Variants in ATP2A3 observed in about 807,000 individuals in gnomAD.
The protein encoded by ATP2A3 is ATPase sarcoplasmic/endoplasmic reticulum Ca2+ transporting 3.
ATP2A3 carries 61 observed loss-of-function variants against 106.8 expected under a neutral mutation model. The ratio of observed to expected loss-of-function variants is 0.57; its 90% confidence interval spans 0.46 to 0.71. The LOEUF (loss-of-function observed/expected upper bound fraction) is 0.71, where lower values mean the gene tolerates loss of function less well. Among genes scored for constraint, ATP2A3 ranks in the 30% least tolerant of loss-of-function variants. ATP2A3 has a pLI of 0.00. For missense variants in ATP2A3, 1,201 were observed against 1,423.5 expected, an observed-to-expected ratio of 0.84 and a Z score of 2.52; for synonymous variants, 611 against 609.3, an observed-to-expected ratio of 1.00 and a Z score of -0.04.
intron 1 of ATP2A3, among the ~76,000 whole-genome samples, chr17:3,954,658 G>A (rs527375793): frequency 5.2e-4 from 79 of 152,094 alleles, no homozygotes; most frequent in African/African-American, 1.7e-3. Context: ...CACCACGCCC[G>A]GCTGATTTTT....
intron 20 of ATP2A3, chr17:3,927,607 G>A (rs1265808131): frequency 2.0e-6 from 2 of 985,318 alleles, no homozygotes; most frequent in Non-Finnish European, 2.4e-6. Flanking sequence ...GGCTGTCACA[G>A]AGCATTGGCC....
rs1014582801 is a variant in ATP2A3, at chr17:3,930,760, A to C, written c.2611-326T>G. Reference sequence around the variant, plus strand: ...TGGAGATCACTGAATAGGGAAATGCATGTGAAAATCAACCAACAAAACCAT... The same window carrying C: ...TGGAGATCACTGAATAGGGAAATGCCTGTGAAAATCAACCAACAAAACCAT... On this transcript the variant is annotated intron_variant, in intron 17 of 20. Transcript: ENST00000397041. The surrounding 1 kb of genome is among the most constrained non-coding windows in gnomAD (Gnocchi z 5.4). The C allele has an allele frequency of 2.2e-6, 1 of 446,826 alleles. No individual in the cohort carries two copies. 27.7% of individuals were successfully genotyped at this position (446,826 alleles called of 1,614,324 possible). A position where few individuals can be genotyped will look rare whatever the true frequency, so the allele number is the denominator to read the frequency against.
chr17:3,924,706 G>C lies in ATP2A3; in HGVS notation c.*716C>G. 2.2e-6 allele frequency: 1 copy of C among 455,872 alleles called. No homozygotes were observed. Among genetic ancestry groups the C allele is most frequent in the Non-Finnish European group, 4.4e-6 (1 of 226,658 alleles). The allele number at this position is 455,872 out of a possible 1,614,324, so 28.2% of individuals were successfully genotyped here. On this transcript the variant is annotated 3_prime_UTR_variant, in exon 21 of 21. Transcript: ENST00000397041. The surrounding 1 kb of genome is among the most constrained non-coding windows in gnomAD (Gnocchi z 6.4). ...GCGCGGGGCTGAGGCAGTCCAGCCA[G>C]GCTTTCCCGACTTGTCTCCCGGGAA...
chr17:3,936,214 A>T lies in ATP2A3; in HGVS notation c.2524+53T>A. ...ACTGTCTGCAGCTTGCAAGCCTGAT[A>T]CAAGGCTCTTAGGAAGCTTAGGAAT... is the stretch of plus-strand genomic sequence containing the variant. On this transcript the variant is annotated intron_variant, in intron 16 of 20. Transcript: ENST00000397041. The surrounding 1 kb of genome is among the most constrained non-coding windows in gnomAD (Gnocchi z 5.4). 2 of 1,604,562 alleles carry T rather than the reference A, an allele frequency of 1.2e-6. No homozygotes were observed. The highest frequency in any genetic ancestry group is 1.7e-6 in the Non-Finnish European group (2 of 1,171,912).
At chr17:3,951,546 G>GGCCCCCCCCCCCCCCCC in intron 4 of ATP2A3, 35 bp downstream of exon 4, 2 of 1,319,570 alleles carry the variant, frequency 1.5e-6, no homozygotes, top group Non-Finnish European at 2.1e-6. Context: ...CTGGGAGACC[G>GGCCCCCCCCCCCCCCCC]CCCCCCGCCC....
intron 14 of ATP2A3, 119 bp from the exon 15 acceptor site, chr17:3,937,755 C>T: frequency 9.6e-7 from 1 of 1,037,824 alleles, no homozygotes; most frequent in Non-Finnish European, 1.4e-6. Context: ...GACAGTTAGA[C>T]AGAACAAATG....
At chr17:3,934,669 G>A (rs1037074359) in intron 17 of ATP2A3, among the ~76,000 whole-genome samples, 2 of 151,912 alleles carry the variant, frequency 1.3e-5, no homozygotes, top group Admixed American at 1.3e-4. Context: ...GATTACAGGC[G>A]TGCACCACCA....
At chr17:3,933,776 T>A (rs930438975) in intron 17 of ATP2A3, among the ~76,000 whole-genome samples, 8 of 151,410 alleles carry the variant, frequency 5.3e-5, no homozygotes. Flanking sequence ...GGGCTGGAGC[T>A]TCTGCCTCAC....
intron 1 of ATP2A3, among the ~76,000 whole-genome samples, chr17:3,957,479 G>GC: frequency 6.6e-6 from 1 of 152,202 alleles, no homozygotes; most frequent in East Asian, 1.9e-4. Flanking sequence ...CAGTCGGCGT[G>GC]CCCCTCTGTA....
rs1597599720 is a variant in ATP2A3, at chr17:3,937,715, C to A, written c.2101-79G>T. 2.1e-6 allele frequency: 3 copies of A among 1,404,340 alleles called. No homozygotes were observed. The South Asian group carries it at 3.6e-5, about 17-fold the overall frequency. 87.0% of individuals were successfully genotyped at this position (1,404,340 alleles called of 1,614,324 possible). A position where few individuals can be genotyped will look rare whatever the true frequency, so the allele number is the denominator to read the frequency against. On this transcript the variant is annotated intron_variant, in intron 14 of 20. Coordinates refer to ENST00000397041, the MANE Select transcript of ATP2A3 (RefSeq NM_005173.4). ...CATCTCTTCTCAACTCAGCCCACCC[C>A]CAATCTTAGGGGATGTTCCAAAGGA...
At position 3,955,465 on chromosome 17, in the gene ATP2A3, G is replaced by A. The variant is rs879660904; in HGVS notation, c.119-1755C>T. On this transcript the variant is annotated intron_variant, in intron 1 of 20. Coordinates refer to ENST00000397041, the MANE Select transcript of ATP2A3 (RefSeq NM_005173.4). This position sits in a 1 kb window ranked among gnomAD's most constrained non-coding sequence, Gnocchi z 4.2. ...TTTTCGGCAGTGGCTGACATTTTCC[G>A]TGGAAAATGTAATCTCCAGTGTCCT... Among the ~76,000 whole-genome samples, 5 of 152,274 alleles carry A rather than the reference G, an allele frequency of 3.3e-5. No individual in the cohort carries two copies. Among genetic ancestry groups the A allele is most frequent in the East Asian group, 1.9e-4 (1 of 5,186 alleles).
intron 7 of ATP2A3, among the ~76,000 whole-genome samples, chr17:3,948,753 G>A (rs987484359): frequency 3.3e-5 from 5 of 152,050 alleles, no homozygotes; most frequent in Non-Finnish European, 7.4e-5. Flanking sequence ...TGCTGATCCT[G>A]GAGCAACAGC....
intron 17 of ATP2A3, 141 bp downstream of exon 17, chr17:3,935,051 C>T: frequency 1.1e-6 from 1 of 932,248 alleles, no homozygotes; most frequent in South Asian, 1.4e-5. Flanking sequence ...AGCTCGGCTC[C>T]CCAGGTGGGG....
chr17:3,927,492 T>C (rs2052771914), intron 20 of ATP2A3: 1 of 985,414 alleles, frequency 1.0e-6, no homozygotes, highest in African/African-American at 1.7e-5. Context: ...TGAGTGAGTG[T>C]GGTCAAGGGC....
Position 3,929,921 on chromosome 17 carries a change from C to T in ATP2A3, c.2744+380G>A, listed in dbSNP as rs1304293327. On this transcript the variant is annotated intron_variant, in intron 18 of 20. Coordinates refer to ENST00000397041, the MANE Select transcript of ATP2A3 (RefSeq NM_005173.4). This position sits in a 1 kb window ranked among gnomAD's most constrained non-coding sequence, Gnocchi z 4.3. ...CCTCTGATCCCAATCCTGAACCCCC[C>T]AAACATCAGACCCCAACCTGAACCC... 6.6e-6 allele frequency among the ~76,000 whole-genome samples: 1 copy of T among 151,734 alleles called. No individual in the cohort carries two copies. The highest frequency in any genetic ancestry group is 1.5e-5 in the Non-Finnish European group (1 of 67,920).
At chr17:3,941,675 G>A in intron 12 of ATP2A3, 21 bp from the exon 13 acceptor site, 1 of 1,601,600 alleles carries the variant, frequency 6.2e-7, no homozygotes, top group Non-Finnish European at 8.5e-7. Flanking sequence ...GGGAGAGGGA[G>A]AAGAGGTAAC....
chr17:3,936,307 G>A lies in ATP2A3; in HGVS notation c.2484C>T (p.Leu828=). Residue 828 remains leucine, a synonymous_variant, in exon 16 of 21, where the codon CTC becomes CTT. Coordinates refer to ENST00000397041, the MANE Select transcript of ATP2A3 (RefSeq NM_005173.4). The surrounding 1 kb of genome is among the most constrained non-coding windows in gnomAD (Gnocchi z 5.4). ...ATCGGAAGAAGAGCCAGCCACTGATGAGGGCTTCTCGGGGGCTCCGGGGCA... is the reference window on the plus strand; with the variant it reads ...ATCGGAAGAAGAGCCAGCCACTGATAAGGGCTTCTCGGGGGCTCCGGGGCA... ...EKLPRSPREA[L]ISGWLFFRYL... 1 of 1,614,124 alleles carries A rather than the reference G, an allele frequency of 6.2e-7. No individual in the cohort carries two copies. Among genetic ancestry groups the A allele is most frequent in the East Asian group, 2.2e-5 (1 of 44,884 alleles).
At position 3,936,466 on chromosome 17, in the gene ATP2A3, G is replaced by A. The variant is rs2053446683; in HGVS notation, c.2325C>T (p.Ile775=). 4 of 1,614,028 alleles carry A rather than the reference G, an allele frequency of 2.5e-6. No homozygotes were observed. The highest frequency in any genetic ancestry group is 3.4e-6 in the Non-Finnish European group (4 of 1,180,028). The change falls in exon 16 of 21, where the codon ATC becomes ATT. Residue 775 remains isoleucine (I), a synonymous_variant. Transcript: ENST00000397041. This position sits in a 1 kb window ranked among gnomAD's most constrained non-coding sequence, Gnocchi z 5.4. ...ISSNVGEVVC[I]FLTAILGLPE... ...GCAGGCCCAGAATTGCCGTGAGGAA[G>A]ATGCTGGAACAGAGTCATGAGCTCT...
chr17:3,960,303 T>C (rs935526133), intron 1 of ATP2A3, among the ~76,000 whole-genome samples: 6 of 152,228 alleles, frequency 3.9e-5, no homozygotes, highest in Non-Finnish European at 7.3e-5. Context: ...CTGGAACTTA[T>C]TTGAGGGCAG....
Sources: allele counts gnomAD v4.1 joint callset (sites outside exome capture counted in the v4.1 genomes callset), GRCh38; gene constraint gnomAD v4.1.1; non-coding constraint Gnocchi (gnomAD v3.1); transcripts MANE v1.5; gene names NCBI Gene and HGNC (gene_info 2026-07-23, HGNC 2026-07-21).